The following ITGA11 variants were observed in gnomAD, a reference collection of about 807,000 sequenced individuals.
ITGA11 encodes the protein integrin alpha-11.
Under a neutral mutation model 141.9 loss-of-function variants are expected in ITGA11, and 97 were observed. The ratio of observed to expected loss-of-function variants is 0.68; its 90% CI spans 0.58 to 0.81. ITGA11 has a LOEUF of 0.81. Among genes scored for constraint, ITGA11 ranks in the 30% least tolerant of loss-of-function variants. ITGA11 has a pLI of 0.00. For missense variants in ITGA11, 1,387 were observed against 1,559.2 expected (o/e 0.89, Z 1.86); for synonymous variants, 658 against 624.6 (o/e 1.05, Z -0.80).
rs1217014434 is a variant in ITGA11 at position 68,302,268 on chromosome 15, A to T, written c.*791T>A. 2.0e-5 allele frequency: 3 copies of T among 152,256 alleles called. No homozygotes were observed. The East Asian group carries it at 5.8e-4, about 29-fold the overall frequency. 9.4% of individuals were successfully genotyped at this position (152,256 alleles called of 1,614,324 possible). A position where few individuals can be genotyped will look rare whatever the true frequency, so the allele number is the denominator to read the frequency against. On this transcript the variant is annotated 3_prime_UTR_variant, in exon 30 of 30. Transcript: ENST00000315757. Reference sequence around the variant, plus strand: ...GGATTGTGTCATCCACATGCTTCCCATGAGGTACCTGGGAACAAAAGTGAC... The same window carrying T: ...GGATTGTGTCATCCACATGCTTCCCTTGAGGTACCTGGGAACAAAAGTGAC...
intron 22 of ITGA11, among the ~76,000 whole-genome samples, 183 bp from the exon 23 acceptor site, chr15:68,314,051 G>A (rs982329415): frequency 6.6e-6 from 1 of 152,216 alleles, no homozygotes; most frequent in East Asian, 1.9e-4. Context: ...AGGGATGGAT[G>A]ACACTAGCTC....
In ITGA11 at chr15:68,355,788, G is replaced by A. The variant is rs527772466; in HGVS notation, c.749+1363C>T. On this transcript the variant is annotated intron_variant, in intron 7 of 29. Transcript: ENST00000315757. ...TGTGGATTTTTTTTTTAAAAAACAC[G>A]TCAACTAACCCTACCTAAGGTGGGA... Among the ~76,000 whole-genome samples, 19 of 151,542 alleles carry A rather than the reference G, an allele frequency of 1.3e-4. No homozygotes were observed. In the East Asian group the frequency reaches 2.3e-3, roughly 19 times the overall value.
intron 1 of ITGA11, among the ~76,000 whole-genome samples, chr15:68,410,551 A>T (rs1896750252): frequency 6.6e-6 from 1 of 152,214 alleles, no homozygotes; most frequent in Non-Finnish European, 1.5e-5. Context: ...CAACCCATTC[A>T]AAAGTGAAGA....
At chr15:68,412,668 C>CTT (rs71145169) in intron 1 of ITGA11, among the ~76,000 whole-genome samples, 1,043 of 59,302 alleles carry the variant, frequency 0.018, no homozygotes, top group African/African-American at 0.023. Context: ...AACTTATTCG[C>CTT]TTTTTTTTTT....
At chr15:68,407,876 C>G (rs1296439144) in intron 1 of ITGA11, among the ~76,000 whole-genome samples, 1 of 152,228 alleles carries the variant, frequency 6.6e-6, no homozygotes, top group African/African-American at 2.4e-5. Flanking sequence ...CAGTCCTGGT[C>G]CCAGGTGCTG....
chr15:68,329,689 C>T (rs1894093126), intron 15 of ITGA11, among the ~76,000 whole-genome samples: 1 of 152,212 alleles, frequency 6.6e-6, no homozygotes, highest in Non-Finnish European at 1.5e-5. Context: ...GCCATGCTTT[C>T]TTGGCTGGAA....
Position 68,370,850 on chromosome 15 carries a change from T to C in ITGA11, c.165-1566A>G, listed in dbSNP as rs532071661. 4.6e-5 allele frequency among the ~76,000 whole-genome samples: 7 copies of C among 152,146 alleles called. No homozygotes were observed. In the South Asian group the frequency reaches 6.2e-4, roughly 14 times the overall value. ...GCCACCACATGCCAGCGGAGTTAGA[T>C]GGTTGGGAGGAGGTGGCCGGGAGGC... On this transcript the variant is annotated intron_variant, in intron 2 of 29. Transcript: ENST00000315757.
chr15:68,326,806 G>A lies in ITGA11; in HGVS notation c.2069-10C>T. The A allele has an allele frequency of 6.4e-7, 1 of 1,573,204 alleles. No homozygotes were observed. Among genetic ancestry groups the A allele is most frequent in the African/African-American group, 1.4e-5 (1 of 74,036 alleles). ...GCGTTGTATCTGATGCCTGCAGGAG[G>A]GGAGAGGGCAAGACCACAAAGGTGG... is the stretch of plus-strand genomic sequence containing the variant. On this transcript the variant is annotated splice_polypyrimidine_tract_variant and intron_variant, in intron 16 of 29. Coordinates refer to ENST00000315757, the MANE Select transcript of ITGA11 (RefSeq NM_001004439.2). The surrounding 1 kb of genome is among the most constrained non-coding windows in gnomAD (Gnocchi z 6.8).
intron 9 of ITGA11, among the ~76,000 whole-genome samples, chr15:68,350,408 T>A (rs1194878320): frequency 4.6e-5 from 7 of 152,148 alleles, no homozygotes; most frequent in Admixed American, 3.9e-4. Flanking sequence ...CAAACTGGTC[T>A]TGAACTCCTG....
At chr15:68,394,827 C>A (rs1317138254) in intron 2 of ITGA11, among the ~76,000 whole-genome samples, 1 of 152,060 alleles carries the variant, frequency 6.6e-6, no homozygotes, top group African/African-American at 2.4e-5. Flanking sequence ...ATGAAATGTA[C>A]AAATTACTTG....
In ITGA11 at chr15:68,402,954, T is replaced by C; in HGVS notation, c.128A>G (p.Tyr43Cys). Reference sequence around the variant, plus strand: ...ACTGATGTCGTGCTGCTGCACTGTGTAGCCAAAGAAGGCGGTCCTGGAGCC... The same window carrying C: ...ACTGATGTCGTGCTGCTGCACTGTGCAGCCAAAGAAGGCGGTCCTGGAGCC... ...IPGSRTAFFGYTVQQHDISGN... is the reference protein window; with the variant it reads ...IPGSRTAFFGCTVQQHDISGN... Residue 43 changes from tyrosine to cysteine, a missense_variant, in exon 2 of 30, where the codon TAC becomes TGC. Tyr to Cys is a radical substitution (Grantham distance 194). Transcript: ENST00000315757. 1.2e-6 allele frequency: 2 copies of C among 1,613,800 alleles called. No individual in the cohort carries two copies. Among genetic ancestry groups the C allele is most frequent in the Non-Finnish European group, 1.7e-6 (2 of 1,179,782 alleles).
At position 68,299,118 on chromosome 15, in the gene ITGA11, T is replaced by A. The variant is rs1300196409; in HGVS notation, c.*3941A>T. 4.6e-5 allele frequency: 7 copies of A among 152,228 alleles called. No individual in the cohort carries two copies. In the East Asian group the frequency reaches 1.3e-3, roughly 29 times the overall value. The allele number at this position is 152,228 out of a possible 1,614,324, so 9.4% of individuals were successfully genotyped here. A position where few individuals can be genotyped will look rare whatever the true frequency, so the allele number is the denominator to read the frequency against. ...CCATCCTTTAAAAATAACTTTCTGC[T>A]TGTACTCTACTTTGGACCTGGTAAG... On this transcript the variant is annotated 3_prime_UTR_variant, in exon 30 of 30. Coordinates refer to ENST00000315757, the MANE Select transcript of ITGA11 (RefSeq NM_001004439.2).
chr15:68,428,487 G>A (rs1231546850), intron 1 of ITGA11, among the ~76,000 whole-genome samples: 5 of 152,150 alleles, frequency 3.3e-5, no homozygotes, highest in South Asian at 2.1e-4. Flanking sequence ...GGTAGAGATG[G>A]GGTCATGGTG....
intron 2 of ITGA11, among the ~76,000 whole-genome samples, chr15:68,380,634 A>G (rs1013735612): frequency 6.6e-6 from 1 of 152,198 alleles, no homozygotes; most frequent in Non-Finnish European, 1.5e-5. Context: ...AGAGGCTTGC[A>G]TAATGAATAG....
At chr15:68,427,745 A>T (rs939255781) in intron 1 of ITGA11, among the ~76,000 whole-genome samples, 14 of 152,200 alleles carry the variant, frequency 9.2e-5, no homozygotes, top group African/African-American at 3.4e-4. Flanking sequence ...GAATTCACAC[A>T]GTTAGGATCT....
chr15:68,420,598 G>A (rs4238414), intron 1 of ITGA11, among the ~76,000 whole-genome samples: 24,274 of 152,138 alleles, frequency 0.16, 5,475 homozygotes, highest in African/African-American at 0.5. Context: ...GGGTCGTAAG[G>A]AGGAGGATTG....
intron 1 of ITGA11, among the ~76,000 whole-genome samples, chr15:68,420,069 G>T (rs755964306): frequency 6.6e-6 from 1 of 152,170 alleles, no homozygotes; most frequent in Non-Finnish European, 1.5e-5. Context: ...GTGGTTCCCA[G>T]GGATTGGACT....
Position 68,328,346 on chromosome 15 carries a change from T to C in ITGA11, c.1902-84A>G, listed in dbSNP as rs937775143. 2.8e-5 allele frequency: 33 copies of C among 1,177,462 alleles called. No homozygotes were observed. Among genetic ancestry groups the C allele is most frequent in the Non-Finnish European group, 3.8e-5 (33 of 864,564 alleles). The allele number at this position is 1,177,462 out of a possible 1,614,324, so 72.9% of individuals were successfully genotyped here. A position where few individuals can be genotyped will look rare whatever the true frequency, so the allele number is the denominator to read the frequency against. ...ACCATGGGGAAAGACAAGAACCAGA[T>C]GCGAGTGGGATCTGCAAAGCCACTG... is the stretch of plus-strand genomic sequence containing the variant. On this transcript the variant is annotated intron_variant, in intron 15 of 29. Transcript: ENST00000315757. This position sits in a 1 kb window ranked among gnomAD's most constrained non-coding sequence, Gnocchi z 4.8.
At chr15:68,357,864 T>A (rs1415064396) in intron 6 of ITGA11, among the ~76,000 whole-genome samples, 1 of 152,220 alleles carries the variant, frequency 6.6e-6, no homozygotes, top group African/African-American at 2.4e-5. Context: ...TCACCCATGA[T>A]ACCCTAAAAG....
Sources: gnomAD v4.1 joint callset for allele counts (sites outside exome capture counted in the v4.1 genomes callset) on GRCh38, gnomAD v4.1.1 for gene constraint, Gnocchi (gnomAD v3.1) non-coding constraint, MANE v1.5 for transcripts, NCBI Gene and HGNC (gene_info 2026-07-23, HGNC 2026-07-21) for gene names.